The following NRXN3 variants were observed in gnomAD, a reference collection of about 807,000 sequenced individuals.
NRXN3 encodes the protein neurexin 3.
NRXN3 carries 32 observed loss-of-function variants against 137.6 expected under a neutral mutation model. That is an observed-to-expected ratio of 0.23 (90% CI 0.18 to 0.31). The LOEUF is 0.31. Ranked by LOEUF, NRXN3 falls within the 10% of genes least tolerant of loss-of-function variation. The pLI, the probability that NRXN3 is intolerant of heterozygous loss-of-function variation, is 1.00. For missense variants in NRXN3, 1,574 were observed against 2,062.5 expected, an observed-to-expected ratio of 0.76 and a Z score of 4.59; for synonymous variants, 798 against 784.5, an observed-to-expected ratio of 1.02 and a Z score of -0.29.
intron 4 of NRXN3, among the ~76,000 whole-genome samples, chr14:78,469,211 A>T (rs891685131): frequency 1.3e-5 from 2 of 152,162 alleles, no homozygotes; most frequent in Admixed American, 6.5e-5. Context: ...AATCTAATGT[A>T]TGGCAAAATA....
chr14:78,597,847 C>T (rs895622991), intron 4 of NRXN3, among the ~76,000 whole-genome samples: 1 of 152,162 alleles, frequency 6.6e-6, no homozygotes, highest in Non-Finnish European at 1.5e-5. Flanking sequence ...ATCTGTGGTT[C>T]AAGAAGATGC....
intron 4 of NRXN3, among the ~76,000 whole-genome samples, chr14:78,603,742 C>T (rs2097221153): frequency 6.6e-6 from 1 of 152,132 alleles, no homozygotes; most frequent in Non-Finnish European, 1.5e-5. Flanking sequence ...CCTGCTGGGA[C>T]CCCTTTGACT....
chr14:79,195,090 G>A (rs1193575626), intron 15 of NRXN3, among the ~76,000 whole-genome samples: 1 of 151,896 alleles, frequency 6.6e-6, no homozygotes, highest in Non-Finnish European at 1.5e-5. Flanking sequence ...TTTCCTGCCT[G>A]AGTGATAACG....
At chr14:79,055,927 G>T (rs931164812) in intron 15 of NRXN3, among the ~76,000 whole-genome samples, 1 of 152,194 alleles carries the variant, frequency 6.6e-6, no homozygotes, top group Non-Finnish European at 1.5e-5. Flanking sequence ...TGAGTAGGAA[G>T]CAGATCAAAG....
At chr14:78,888,557 A>T (rs555805502) in intron 10 of NRXN3, among the ~76,000 whole-genome samples, 1 of 152,156 alleles carries the variant, frequency 6.6e-6, no homozygotes, top group African/African-American at 2.4e-5. Flanking sequence ...CTTTGAAGGC[A>T]TGGAGAAGTG....
chr14:79,280,672 C>A, intron 15 of NRXN3: 1 of 939,638 alleles, frequency 1.1e-6, no homozygotes, highest in Non-Finnish European at 1.6e-6. Flanking sequence ...ATCGTATGTC[C>A]ATGAGGGAAG....
At chr14:78,596,736 G>A (rs965723801) in intron 4 of NRXN3, among the ~76,000 whole-genome samples, 1 of 152,090 alleles carries the variant, frequency 6.6e-6, no homozygotes, top group African/African-American at 2.4e-5. Flanking sequence ...GAAGACACAT[G>A]GCATCTTATT....
At chr14:78,639,014 A>G (rs867722199) in intron 4 of NRXN3, among the ~76,000 whole-genome samples, 9 of 152,212 alleles carry the variant, frequency 5.9e-5, no homozygotes, top group South Asian at 4.1e-4. Context: ...CTGTGAGTTC[A>G]CGACTTGAGA....
At chr14:79,608,478 C>G (rs561915333) in intron 16 of NRXN3, among the ~76,000 whole-genome samples, 18 of 152,278 alleles carry the variant, frequency 1.2e-4, no homozygotes, top group African/African-American at 4.3e-4. Context: ...CTTCTTTCTT[C>G]AGTTAAACTG....
intron 15 of NRXN3, among the ~76,000 whole-genome samples, chr14:79,055,751 T>C (rs1214892512): frequency 6.6e-6 from 1 of 152,082 alleles, no homozygotes; most frequent in Non-Finnish European, 1.5e-5. Context: ...TAAATAAATT[T>C]TAAGTAGGGA....
intron 15 of NRXN3, among the ~76,000 whole-genome samples, chr14:79,352,856 A>T (rs1279288408): frequency 6.6e-6 from 1 of 152,118 alleles, no homozygotes; most frequent in Admixed American, 6.5e-5. Context: ...GAAGCTCAAA[A>T]TTTGGATTCA....
rs2049375964 is a variant in NRXN3 at position 79,092,383 on chromosome 14, C to CT, written c.3262+104243dup. ...AGAAAAACATAGAAGTCCTTTCTGACTATCTGCAACCTTAGTCGCCTCTCA... is the reference window on the plus strand; with the variant it reads ...AGAAAAACATAGAAGTCCTTTCTGACTTATCTGCAACCTTAGTCGCCTCTCA... On this transcript the variant is annotated intron_variant, in intron 15 of 20. Transcript: ENST00000335750. Among the ~76,000 whole-genome samples the CT allele has an allele frequency of 3.3e-5, 5 of 152,206 alleles. 1 individual carries two copies. Among genetic ancestry groups the CT allele is most frequent in the Admixed American group, 3.3e-4 (5 of 15,272 alleles).
intron 4 of NRXN3, among the ~76,000 whole-genome samples, chr14:78,339,390 T>C (rs973313604): frequency 3.9e-5 from 6 of 152,146 alleles, no homozygotes; most frequent in African/African-American, 1.4e-4. Context: ...TCCACATCAT[T>C]CCATAGCTCT....
intron 9 of NRXN3, among the ~76,000 whole-genome samples, chr14:78,808,443 C>T (rs1012762004): frequency 6.6e-6 from 1 of 152,188 alleles, no homozygotes; most frequent in Non-Finnish European, 1.5e-5. Flanking sequence ...CGTGCCCATA[C>T]ACCAGTTTCC....
chr14:78,958,456 C>T (rs987637689), intron 11 of NRXN3, among the ~76,000 whole-genome samples: 5 of 151,546 alleles, frequency 3.3e-5, no homozygotes, highest in South Asian at 4.2e-4. Flanking sequence ...CCCGGGTTCA[C>T]GCCATTCTCC....
chr14:79,858,042 C>G (rs1287330289), intron 20 of NRXN3, among the ~76,000 whole-genome samples: 1 of 151,982 alleles, frequency 6.6e-6, no homozygotes. Context: ...AAAATAAGCT[C>G]TTATCATTTC....
intron 15 of NRXN3, among the ~76,000 whole-genome samples, chr14:79,417,974 A>G (rs1482629175): frequency 6.6e-6 from 1 of 150,608 alleles, no homozygotes; most frequent in Non-Finnish European, 1.5e-5. Context: ...AAAAAAAAAA[A>G]GAAGAAGAAA....
intron 17 of NRXN3, among the ~76,000 whole-genome samples, chr14:79,672,301 G>C (rs1402293971): frequency 6.6e-6 from 1 of 151,778 alleles, no homozygotes; most frequent in African/African-American, 2.4e-5. Context: ...TATAGTTTAG[G>C]GACTCAGTAA....
chr14:78,726,679 C>T (rs117623129), intron 8 of NRXN3, among the ~76,000 whole-genome samples: 17,361 of 151,766 alleles, frequency 0.11, 1,151 homozygotes, highest in African/African-American at 0.18. Flanking sequence ...CCATCACACC[C>T]GGCTAATTTT....
Sources: gnomAD v4.1 joint callset for allele counts (sites outside exome capture counted in the v4.1 genomes callset) on GRCh38, gnomAD v4.1.1 for gene constraint, MANE v1.5 for transcripts, NCBI Gene and HGNC (gene_info 2026-07-23, HGNC 2026-07-21) for gene names.